The following MLKL variants were observed in gnomAD, a reference collection of about 807,000 sequenced individuals.
MLKL encodes the protein mixed lineage kinase domain like pseudokinase.
In MLKL, 55 loss-of-function variants were observed where a neutral mutation model predicts 56.5. That is an observed-to-expected ratio of 0.97 (90% confidence interval 0.78 to 1.22). MLKL has a LOEUF of 1.22. MLKL is among the 50% of genes most tolerant of loss of function. The pLI is 0.00. For synonymous variants in MLKL, 251 were observed against 208.3 expected (o/e 1.20, Z -1.76); for missense variants, 694 against 573.9 (o/e 1.21, Z -2.14).
At chr16:74,693,820 G>A (rs1396348712) in intron 2 of MLKL, among the ~76,000 whole-genome samples, 1 of 152,018 alleles carries the variant, frequency 6.6e-6, no homozygotes, top group Non-Finnish European at 1.5e-5. Flanking sequence ...AGCCAGGATG[G>A]TCTCAATCTC....
At chr16:74,673,407 A>G (rs1321144976) in intron 10 of MLKL, among the ~76,000 whole-genome samples, 1 of 151,994 alleles carries the variant, frequency 6.6e-6, no homozygotes, top group Admixed American at 6.6e-5. Context: ...TAGTAGAGAT[A>G]GGGTTTCACC....
intron 7 of MLKL, 58 bp downstream of exon 7, chr16:74,678,841 C>T: frequency 8.0e-7 from 1 of 1,247,352 alleles, no homozygotes; most frequent in Non-Finnish European, 1.2e-6. Context: ...ACTCGTGCCC[C>T]TCTCATAGCA....
intron 1 of MLKL, among the ~76,000 whole-genome samples, chr16:74,698,075 C>A (rs758513264): frequency 1.5e-4 from 23 of 150,954 alleles, no homozygotes; most frequent in Non-Finnish European, 3.1e-4. Context: ...TGTGGTGGTG[C>A]TTGCCTGTAG....
At chr16:74,697,994 C>A (rs1176812434) in intron 1 of MLKL, among the ~76,000 whole-genome samples, 1 of 152,062 alleles carries the variant, frequency 6.6e-6, no homozygotes, top group Non-Finnish European at 1.5e-5. Context: ...TCGTATGAGC[C>A]TGAGTTCGAG....
intron 10 of MLKL, among the ~76,000 whole-genome samples, chr16:74,673,665 A>T (rs1406439301): frequency 6.6e-6 from 1 of 152,106 alleles, no homozygotes; most frequent in Non-Finnish European, 1.5e-5. Flanking sequence ...TGCATCGAGG[A>T]AATAATCCCA....
At chr16:74,688,200 C>T (rs1960453212) in intron 4 of MLKL, among the ~76,000 whole-genome samples, 1 of 151,526 alleles carries the variant, frequency 6.6e-6, no homozygotes, top group Non-Finnish European at 1.5e-5. Context: ...AAACTCCTGA[C>T]CTCAAGTGAT....
At chr16:74,682,519 G>A (rs974003283) in intron 6 of MLKL, 132 bp downstream of exon 6, 1 of 1,265,614 alleles carries the variant, frequency 7.9e-7, no homozygotes, top group African/African-American at 1.5e-5. Flanking sequence ...TGTAATCAGA[G>A]TAAATAGTAA....
Position 74,679,087 on chromosome 16 carries a change from G to C in MLKL, c.957-107C>G, listed in dbSNP as rs917958777. 8.5e-6 allele frequency: 7 copies of C among 819,278 alleles called. No individual in the cohort carries two copies. The African/African-American group carries it at 1.2e-4, about 14-fold the overall frequency. The allele number at this position is 819,278 out of a possible 1,614,324, so 50.8% of individuals were successfully genotyped here. ...AGGCTGGACAGTACCATGGGTGCCTGTCCACAGTTACACAGGAAAAACTGG... is the reference window on the plus strand; with the variant it reads ...AGGCTGGACAGTACCATGGGTGCCTCTCCACAGTTACACAGGAAAAACTGG... On this transcript the variant is annotated intron_variant, in intron 6 of 10. Coordinates refer to ENST00000308807, the MANE Select transcript of MLKL (RefSeq NM_152649.4).
At chr16:74,691,595 G>T in intron 3 of MLKL, 132 bp from the exon 4 acceptor site, 1 of 985,746 alleles carries the variant, frequency 1.0e-6, no homozygotes, top group African/African-American at 1.6e-5. Flanking sequence ...TGGTGGCTGG[G>T]GCTTCTGATG....
intron 4 of MLKL, among the ~76,000 whole-genome samples, chr16:74,689,333 C>T (rs1960527456): frequency 6.6e-6 from 1 of 152,082 alleles, no homozygotes; most frequent in Non-Finnish European, 1.5e-5. Context: ...CCAGGCTGGT[C>T]TTGAACTCCT....
At chr16:74,692,438 T>C (rs778227251) in intron 2 of MLKL, 22 bp from the exon 3 acceptor site, 55 of 1,591,428 alleles carry the variant, frequency 3.5e-5, no homozygotes, top group Non-Finnish European at 4.5e-5. Flanking sequence ...AAGGGCAGTA[T>C]ATGCTCAAAA....
chr16:74,692,486 C>A, intron 2 of MLKL, 70 bp from the exon 3 acceptor site: 1 of 1,235,452 alleles, frequency 8.1e-7, no homozygotes, highest in Non-Finnish European at 1.2e-6. Flanking sequence ...AACTAAAATG[C>A]TAATTAAAAC....
At chr16:74,689,432 G>T (rs766894172) in intron 4 of MLKL, among the ~76,000 whole-genome samples, 81 of 152,006 alleles carry the variant, frequency 5.3e-4, no homozygotes, top group Non-Finnish European at 1.0e-3. Flanking sequence ...TATATTTAAA[G>T]CCATTAAATT....
intron 1 of MLKL, among the ~76,000 whole-genome samples, chr16:74,697,930 G>T (rs1217079070): frequency 6.6e-6 from 1 of 152,168 alleles, no homozygotes; most frequent in Non-Finnish European, 1.5e-5. Flanking sequence ...TTAGGGTAGG[G>T]TGTCATGACT....
rs1425751077 is a variant in MLKL, at chr16:74,691,440, C to T, written c.559G>A (p.Glu187Lys). The change falls in exon 4 of 11, where the codon GAG becomes AAG. Residue 187 changes from glutamate to lysine, a missense_variant. Physicochemically the swap from Glu to Lys is moderately conservative, Grantham distance 56. Transcript: ENST00000308807. ...RQYLPPKCMQ[E>K]IPQEQIKEIK... ...TCCTTGATTTGCTCTTGCGGGATCT[C>T]CTGCATGCATTTTGGTGGTAAATCT... 1 of 1,613,378 alleles carries T rather than the reference C, an allele frequency of 6.2e-7. No individual in the cohort carries two copies. The highest frequency in any genetic ancestry group is 1.1e-5 in the South Asian group (1 of 91,042).
Position 74,691,321 on chromosome 16 carries a change from T to C in MLKL, c.678A>G (p.Pro226=). Residue 226 remains proline (P), a synonymous_variant, in exon 4 of 11, where the codon CCA becomes CCG. Transcript: ENST00000308807. ...TLYKGEYHRA[P]VAIKVFKKLQ... ...GTTTTTTGAATACTTTTATGGCCACTGGAGCTCTGTGGTATTCTCCTTTAT... is the reference window on the plus strand; with the variant it reads ...GTTTTTTGAATACTTTTATGGCCACCGGAGCTCTGTGGTATTCTCCTTTAT... 2 of 1,613,364 alleles carry C rather than the reference T, an allele frequency of 1.2e-6. No homozygotes were observed. Among genetic ancestry groups the C allele is most frequent in the Middle Eastern group, 1.7e-4 (1 of 6,056 alleles).
chr16:74,672,689 T>G (rs1463952022), intron 10 of MLKL, 151 bp from the exon 11 acceptor site: 2 of 699,802 alleles, frequency 2.9e-6, no homozygotes, highest in Admixed American at 2.6e-5. Flanking sequence ...CTCACACATT[T>G]GGGATATAAA....
intron 4 of MLKL, among the ~76,000 whole-genome samples, chr16:74,687,358 T>C (rs1175094444): frequency 6.6e-6 from 1 of 152,128 alleles, no homozygotes; most frequent in Non-Finnish European, 1.5e-5. Context: ...GATGGTAACA[T>C]TTTCCAAATT....
Position 74,695,337 on chromosome 16 carries a change from C to T in MLKL, c.421G>A (p.Ala141Thr), listed in dbSNP as rs773954047. Residue 141 changes from alanine to threonine, a missense_variant, in exon 2 of 11, where the codon GCA becomes ACA. By Grantham distance (58) the Ala-to-Thr change is moderately conservative (BLOSUM62 0). Transcript: ENST00000308807. ...ASWAQEDQQD[A>T]DEDRRAFQML... ...TGGAAAGCTCGCCTGTCTTCGTCTGCATCCTGCTGATCTTCCTGTGCCCAG... is the reference window on the plus strand; with the variant it reads ...TGGAAAGCTCGCCTGTCTTCGTCTGTATCCTGCTGATCTTCCTGTGCCCAG... The T allele has an allele frequency of 2.5e-6, 4 of 1,614,076 alleles. No homozygotes were observed. Among genetic ancestry groups the T allele is most frequent in the Non-Finnish European group, 3.4e-6 (4 of 1,180,056 alleles).
Sources: allele counts gnomAD v4.1 joint callset (sites outside exome capture counted in the v4.1 genomes callset), GRCh38; gene constraint gnomAD v4.1.1; transcripts MANE v1.5; gene names NCBI Gene and HGNC (gene_info 2026-07-23, HGNC 2026-07-21).